KCTD3: variants seen among roughly 807,000 people sequenced by gnomAD.
KCTD3 encodes the protein BTB/POZ domain-containing protein KCTD3.
Under a neutral mutation model 85.8 loss-of-function variants are expected in KCTD3, and 41 were observed. The observed-to-expected ratio is 0.48, with a 90% CI of 0.37 to 0.62. The LOEUF (loss-of-function observed/expected upper bound fraction) is 0.62, where lower values mean the gene tolerates loss of function less well. Among genes scored for constraint, KCTD3 ranks in the 20% least tolerant of loss-of-function variants. The probability of loss-of-function intolerance (pLI) is 0.00; values close to 1 mark genes in which losing one functional copy is unlikely to be tolerated. For synonymous variants in KCTD3, 338 were observed against 345.4 expected, an observed-to-expected ratio of 0.98 and a Z score of 0.24; for missense variants, 724 against 989.9, an observed-to-expected ratio of 0.73 and a Z score of 3.60.
intron 12 of KCTD3, among the ~76,000 whole-genome samples, chr1:215,603,130 G>A (rs1278732065): frequency 1.3e-5 from 2 of 152,064 alleles, no homozygotes; most frequent in African/African-American, 2.4e-5. Context: ...ACCAACCCCT[G>A]CTCTAGAATG....
rs1433906166 is a variant in KCTD3 at position 215,567,557 on chromosome 1, A to AC, written c.-123dup. On this transcript the variant is annotated 5_prime_UTR_variant, in exon 1 of 18. Coordinates refer to ENST00000259154, the MANE Select transcript of KCTD3 (RefSeq NM_016121.5). ...CGGGAAGGTGGGGGAAGCCCCGTGC[A>AC]CCCCCCGCCCTCCGGCCGCCGCCGC... 2.1e-5 allele frequency: 8 copies of AC among 382,438 alleles called. No individual in the cohort carries two copies. The highest frequency in any genetic ancestry group is 5.2e-5 in the East Asian group (1 of 19,230). 23.7% of individuals were successfully genotyped at this position (382,438 alleles called of 1,614,324 possible).
In KCTD3 at chr1:215,604,217, G is replaced by A. The variant is rs35231115; in HGVS notation, c.1224G>A (p.Gly408=). ...TTGTACAACACCCAGAGACAGTTGG[G>A]TCAGGTCCTCAGCTTTTTCAGACTT... ...RVIVQHPETV[G]SGPQLFQTFT... Residue 408 remains glycine (G), a synonymous_variant, in exon 13 of 18, where the codon GGG becomes GGA. Coordinates refer to ENST00000259154, the MANE Select transcript of KCTD3 (RefSeq NM_016121.5). The A allele has an allele frequency of 7.9e-5, 128 of 1,613,904 alleles. No homozygotes were observed. In the African/African-American group the frequency reaches 1.6e-3, roughly 20 times the overall value.
In KCTD3 at chr1:215,579,091, T is replaced by G. The variant is rs1312550968; in HGVS notation, c.489T>G (p.Gly163=). The G allele has an allele frequency of 1.2e-6, 2 of 1,607,368 alleles. No individual in the cohort carries two copies. Among genetic ancestry groups the G allele is most frequent in the Admixed American group, 1.7e-5 (1 of 58,442 alleles). ...CAGAAGGTGAAGCCCGGGGAAATGGTACACAGCCTGTTCTCTCTGGAACGG... is the reference window on the plus strand; with the variant it reads ...CAGAAGGTGAAGCCCGGGGAAATGGGACACAGCCTGTTCTCTCTGGAACGG... ...NSTEGEARGN[G]TQPVLSGTGE... Residue 163 remains glycine (G), a synonymous_variant, in exon 7 of 18, where the codon GGT becomes GGG. Transcript: ENST00000259154.
chr1:215,620,759 G>A lies in KCTD3; in HGVS notation c.*141G>A. 1 of 577,212 alleles carries A rather than the reference G, an allele frequency of 1.7e-6. No homozygotes were observed. Among genetic ancestry groups the A allele is most frequent in the Non-Finnish European group, 2.9e-6 (1 of 340,338 alleles). 35.8% of individuals were successfully genotyped at this position (577,212 alleles called of 1,614,324 possible). A position where few individuals can be genotyped will look rare whatever the true frequency, so the allele number is the denominator to read the frequency against. ...TAGTATCTTTTTAACAGAATTACTTGGAATAATGAGATACAATAATCATAT... is the reference window on the plus strand; with the variant it reads ...TAGTATCTTTTTAACAGAATTACTTAGAATAATGAGATACAATAATCATAT... On this transcript the variant is annotated 3_prime_UTR_variant, in exon 18 of 18. Transcript: ENST00000259154.
rs987182841 is a variant in KCTD3 at position 215,597,797 on chromosome 1, G to A, written c.933+2326G>A. Among the ~76,000 whole-genome samples, 34 of 152,006 alleles carry A rather than the reference G, an allele frequency of 2.2e-4. 1 individual carries two copies. Among genetic ancestry groups the A allele is most frequent in the Non-Finnish European group, 7.4e-5 (5 of 67,986 alleles). ...GATGTTAGAAGCACACTTTTTCTGT[G>A]TGTGTGATAGGTTTACAGACCTCTG... On this transcript the variant is annotated intron_variant, in intron 10 of 17. Coordinates refer to ENST00000259154, the MANE Select transcript of KCTD3 (RefSeq NM_016121.5).
chr1:215,616,870 TAA>T (rs1571902897), intron 15 of KCTD3, among the ~76,000 whole-genome samples: 1 of 152,366 alleles, frequency 6.6e-6, no homozygotes, highest in East Asian at 1.9e-4. Flanking sequence ...TTCCAAATGA[TAA>T]GTGTCTTTTT....
chr1:215,600,245 G>A (rs1654780036), intron 10 of KCTD3, among the ~76,000 whole-genome samples: 1 of 152,192 alleles, frequency 6.6e-6, no homozygotes, highest in Admixed American at 6.5e-5. Context: ...GACATTGAGA[G>A]GGTACAGAAA....
At chr1:215,598,899 T>C (rs1260901844) in intron 10 of KCTD3, among the ~76,000 whole-genome samples, 1 of 152,182 alleles carries the variant, frequency 6.6e-6, no homozygotes, top group Non-Finnish European at 1.5e-5. Flanking sequence ...TAACAACTGC[T>C]AACATTTTGG....
chr1:215,588,051 T>C (rs1245197829), intron 9 of KCTD3, among the ~76,000 whole-genome samples: 1 of 152,204 alleles, frequency 6.6e-6, no homozygotes, highest in Non-Finnish European at 1.5e-5. Flanking sequence ...AGATTTTCAC[T>C]TGAAACGTTG....
Position 215,620,892 on chromosome 1 carries a change from CAT to C in KCTD3, c.*277_*278del, listed in dbSNP as rs1483939151. The C allele has an allele frequency of 1.9e-5, 8 of 413,810 alleles. No individual in the cohort carries two copies. The highest frequency in any genetic ancestry group is 4.1e-5 in the African/African-American group (2 of 48,444). The allele number at this position is 413,810 out of a possible 1,614,324, so 25.6% of individuals were successfully genotyped here. On this transcript the variant is annotated 3_prime_UTR_variant, in exon 18 of 18. Transcript: ENST00000259154. The stretch of plus-strand genomic sequence containing the variant: ...TTACCGACTTTTTTTGGTTTGGAAA[CAT>C]ATTACCACGTCTTAATAGGATGGTG...
chr1:215,579,830 G>A (rs1659746071), intron 7 of KCTD3, 79 bp from the exon 8 acceptor site: 2 of 952,878 alleles, frequency 2.1e-6, no homozygotes, highest in South Asian at 1.4e-5. Context: ...ACAGGCAGAA[G>A]GCTGAAACTG....
chr1:215,597,743 CTT>C (rs1654656031), intron 10 of KCTD3, among the ~76,000 whole-genome samples: 1 of 152,052 alleles, frequency 6.6e-6, no homozygotes, highest in Non-Finnish European at 1.5e-5. Flanking sequence ...TAGCTTCTCT[CTT>C]TCCTGTTGTG....
At chr1:215,600,076 C>T (rs1031529411) in intron 10 of KCTD3, among the ~76,000 whole-genome samples, 1 of 152,060 alleles carries the variant, frequency 6.6e-6, no homozygotes, top group Non-Finnish European at 1.5e-5. Context: ...GCAGTCTCCC[C>T]TCCATCCTTT....
chr1:215,587,623 T>C (rs6685149), intron 9 of KCTD3, among the ~76,000 whole-genome samples: 1 of 152,212 alleles, frequency 6.6e-6, no homozygotes, highest in Admixed American at 6.5e-5. Context: ...AACTGTGATA[T>C]CTATTTCTGC....
At chr1:215,607,039 T>TTA (rs1302843716) in intron 13 of KCTD3, among the ~76,000 whole-genome samples, 1 of 151,952 alleles carries the variant, frequency 6.6e-6, no homozygotes, top group Non-Finnish European at 1.5e-5. Context: ...GAGAATTTTG[T>TTA]TATATAAGAA....
At chr1:215,607,878 C>T in intron 13 of KCTD3, 139 bp from the exon 14 acceptor site, 3 of 559,128 alleles carry the variant, frequency 5.4e-6, no homozygotes, top group Non-Finnish European at 8.5e-6. Flanking sequence ...TAAGTAGTCA[C>T]AAATCAAGTA....
intron 9 of KCTD3, among the ~76,000 whole-genome samples, chr1:215,591,986 CA>C (rs1420795534): frequency 1.3e-5 from 2 of 152,192 alleles, no homozygotes; most frequent in African/African-American, 2.4e-5. Flanking sequence ...CAAGGAGGAG[CA>C]AGTCACATCT....
chr1:215,575,862 AT>A (rs1453260131), intron 3 of KCTD3, 38 bp from the exon 4 acceptor site: 1 of 1,140,624 alleles, frequency 8.8e-7, no homozygotes, highest in Non-Finnish European at 1.3e-6. Flanking sequence ...TAAAAGATTA[AT>A]TTGTAATTTG....
intron 9 of KCTD3, among the ~76,000 whole-genome samples, chr1:215,590,694 T>A (rs1384574616): frequency 3.3e-5 from 5 of 152,216 alleles, no homozygotes; most frequent in Non-Finnish European, 5.9e-5. Flanking sequence ...TTGATTCCAT[T>A]TTCTAGTTTG....
Sources: gnomAD v4.1 joint callset for allele counts (sites outside exome capture counted in the v4.1 genomes callset) on GRCh38, gnomAD v4.1.1 for gene constraint, MANE v1.5 for transcripts, NCBI Gene and HGNC (gene_info 2026-07-23, HGNC 2026-07-21) for gene names.